The following METTL15 variants were observed in gnomAD, a reference collection of about 807,000 sequenced individuals.
The protein encoded by METTL15 is 12S rRNA N(4)-cytidine methyltransferase METTL15.
A neutral mutation model predicts 38.3 loss-of-function variants in METTL15; 34 were observed. The observed-to-expected ratio is 0.89, with a 90% CI of 0.68 to 1.18. METTL15 has a LOEUF of 1.18. Ranked by LOEUF, METTL15 falls within the 50% of genes most tolerant of loss-of-function variation. The pLI is 0.00. For synonymous variants in METTL15, 162 were observed against 170.9 expected (o/e 0.95, Z 0.41); for missense variants, 438 against 498.4 (o/e 0.88, Z 1.15).
intron 4 of METTL15, among the ~76,000 whole-genome samples, chr11:28,273,574 G>C (rs1015633413): frequency 1.1e-4 from 16 of 151,818 alleles, no homozygotes; most frequent in Middle Eastern, 3.2e-3. Context: ...ATTTATTTCA[G>C]GTGTCACATA....
chr11:28,413,151 AATACCCATTT>A (rs1370596362), intron 5 of METTL15, among the ~76,000 whole-genome samples: 1 of 152,062 alleles, frequency 6.6e-6, no homozygotes, highest in Non-Finnish European at 1.5e-5. Flanking sequence ...CTCAAACTGG[AATACCCATTT>A]ATACCCATTT....
intron 5 of METTL15, among the ~76,000 whole-genome samples, chr11:28,382,146 C>T (rs1238351893): frequency 6.6e-6 from 1 of 151,858 alleles, no homozygotes; most frequent in Non-Finnish European, 1.5e-5. Context: ...CAGAGTGTTG[C>T]CCATTCCAAA....
At chr11:28,138,925 A>G (rs1235600206) in intron 3 of METTL15, among the ~76,000 whole-genome samples, 1 of 152,162 alleles carries the variant, frequency 6.6e-6, no homozygotes, top group Non-Finnish European at 1.5e-5. Flanking sequence ...CAAAAAGCAC[A>G]CCAGATTGGC....
At chr11:28,434,985 C>G (rs972995365) in intron 6 of METTL15, among the ~76,000 whole-genome samples, 1 of 152,202 alleles carries the variant, frequency 6.6e-6, no homozygotes, top group Non-Finnish European at 1.5e-5. Flanking sequence ...TCTCACTCAT[C>G]CAAACAAGTC....
chr11:28,216,986 A>G lies in METTL15; in HGVS notation c.407+5788A>G, dbSNP rs1477618790. Reference sequence around the variant, plus strand: ...TTGATGGACATTTGGGTTGGTTCCAAGTCTTTGCTATTGTGAATAGTGCCA... The same window carrying G: ...TTGATGGACATTTGGGTTGGTTCCAGGTCTTTGCTATTGTGAATAGTGCCA... On this transcript the variant is annotated intron_variant, in intron 4 of 6. Coordinates refer to ENST00000407364, the MANE Select transcript of METTL15 (RefSeq NM_001113528.2). 2.0e-5 allele frequency among the ~76,000 whole-genome samples: 3 copies of G among 151,842 alleles called. No individual in the cohort carries two copies. In the East Asian group the frequency reaches 5.8e-4, roughly 29 times the overall value.
intron 4 of METTL15, among the ~76,000 whole-genome samples, chr11:28,286,391 T>C (rs901259738): frequency 2.6e-5 from 4 of 152,180 alleles, no homozygotes; most frequent in African/African-American, 9.7e-5. Context: ...AGTTGACATA[T>C]AAACTACCAT....
chr11:28,198,056 C>T (rs1851974779), intron 3 of METTL15, among the ~76,000 whole-genome samples: 1 of 152,066 alleles, frequency 6.6e-6, no homozygotes, highest in African/African-American at 2.4e-5. Context: ...GAAAGTACCT[C>T]TCCAGCATTC....
At chr11:28,453,304 T>C (rs1851139067) in intron 6 of METTL15, among the ~76,000 whole-genome samples, 1 of 152,212 alleles carries the variant, frequency 6.6e-6, no homozygotes, top group South Asian at 2.1e-4. Context: ...GAAATCCAGC[T>C]GGATTATAGT....
At chr11:28,187,838 A>C (rs1228734733) in intron 3 of METTL15, among the ~76,000 whole-genome samples, 3 of 151,218 alleles carry the variant, frequency 2.0e-5, no homozygotes, top group Non-Finnish European at 4.4e-5. Flanking sequence ...TGTAATTTCA[A>C]AAGAAAATAC....
At chr11:28,292,074 A>G (rs1196589910) in intron 5 of METTL15, among the ~76,000 whole-genome samples, 1 of 151,810 alleles carries the variant, frequency 6.6e-6, no homozygotes, top group Non-Finnish European at 1.5e-5. Flanking sequence ...ATTTTTTATT[A>G]TACTTTAAGT....
chr11:28,309,347 T>C (rs1442416064), intron 6 of METTL15, among the ~76,000 whole-genome samples: 1 of 152,176 alleles, frequency 6.6e-6, no homozygotes, highest in Non-Finnish European at 1.5e-5. Context: ...GGTTCCCAGC[T>C]AACTTGTTTT....
At chr11:28,204,373 C>T (rs914652031) in intron 3 of METTL15, among the ~76,000 whole-genome samples, 3 of 151,464 alleles carry the variant, frequency 2.0e-5, no homozygotes, top group Non-Finnish European at 4.4e-5. Context: ...AATTCACTTC[C>T]CCTAACTTAC....
intron 3 of METTL15, among the ~76,000 whole-genome samples, chr11:28,208,615 G>A (rs1443670246): frequency 6.6e-6 from 1 of 152,168 alleles, no homozygotes; most frequent in Non-Finnish European, 1.5e-5. Context: ...TTCTGTAGAT[G>A]TCTATTAGGT....
At chr11:28,272,093 A>G (rs1288256258) in intron 4 of METTL15, among the ~76,000 whole-genome samples, 1 of 152,210 alleles carries the variant, frequency 6.6e-6, no homozygotes, top group Non-Finnish European at 1.5e-5. Flanking sequence ...GATGTGGAAA[A>G]ATAGGAACGC....
At chr11:28,307,659 A>G (rs527443888) in intron 6 of METTL15, among the ~76,000 whole-genome samples, 1 of 152,090 alleles carries the variant, frequency 6.6e-6, no homozygotes, top group South Asian at 2.1e-4. Flanking sequence ...CAGTTTTCTC[A>G]TTAGCAAAGT....
intron 5 of METTL15, among the ~76,000 whole-genome samples, chr11:28,369,226 A>C (rs1056650184): frequency 6.6e-6 from 1 of 151,976 alleles, no homozygotes; most frequent in Non-Finnish European, 1.5e-5. Context: ...AGCAAACTCA[A>C]AGACAGGTAC....
intron 5 of METTL15, among the ~76,000 whole-genome samples, chr11:28,387,974 A>G (rs1040588628): frequency 6.6e-6 from 1 of 152,146 alleles, no homozygotes; most frequent in Non-Finnish European, 1.5e-5. Flanking sequence ...ATTAATGCAG[A>G]AAAAGTATTT....
chr11:28,233,910 C>T (rs1442529366), intron 4 of METTL15, among the ~76,000 whole-genome samples: 1 of 151,208 alleles, frequency 6.6e-6, no homozygotes, highest in Non-Finnish European at 1.5e-5. Flanking sequence ...CCCATTAACT[C>T]GTCATTTAGC....
intron 4 of METTL15, among the ~76,000 whole-genome samples, chr11:28,237,785 T>C (rs1854073841): frequency 6.6e-6 from 1 of 152,204 alleles, no homozygotes; most frequent in African/African-American, 2.4e-5. Context: ...GTTTTTGGTG[T>C]GGATGTCCTT....
Sources: allele counts gnomAD v4.1 joint callset (sites outside exome capture counted in the v4.1 genomes callset), GRCh38; gene constraint gnomAD v4.1.1; transcripts MANE v1.5; gene names NCBI Gene and HGNC (gene_info 2026-07-23, HGNC 2026-07-21).